The following AKAP10 variants were observed in gnomAD, a reference collection of about 807,000 sequenced individuals.
AKAP10 encodes A-kinase anchoring protein 10, also known as A-kinase anchor protein 10, mitochondrial.
In AKAP10, 24 loss-of-function variants were observed where a neutral mutation model predicts 80.8. That is an observed-to-expected ratio of 0.30 (90% CI 0.22 to 0.42). The LOEUF (loss-of-function observed/expected upper bound fraction) is 0.42. Ranked by LOEUF, AKAP10 falls within the 10% of genes least tolerant of loss-of-function variation. AKAP10 has a pLI of 1.00. For missense variants in AKAP10, 661 were observed against 794.9 expected (o/e 0.83, Z 2.03); for synonymous variants, 291 against 277.7 (o/e 1.05, Z -0.48).
chr17:19,928,992 G>A (rs1214695170), intron 10 of AKAP10, among the ~76,000 whole-genome samples: 1 of 152,148 alleles, frequency 6.6e-6, no homozygotes, highest in Non-Finnish European at 1.5e-5. Context: ...ATAAATCCTT[G>A]CAATGGGATA....
At chr17:19,958,842 CTTTTTTTTT>C (rs772496178) in intron 3 of AKAP10, among the ~76,000 whole-genome samples, 1 of 92,936 alleles carries the variant, frequency 1.1e-5, no homozygotes, top group South Asian at 3.9e-4. Context: ...CATGTAAATT[CTTTTTTTTT>C]TTTTTTTTTT....
intron 5 of AKAP10, among the ~76,000 whole-genome samples, chr17:19,946,230 A>T (rs1361704497): frequency 1.2e-4 from 2 of 17,304 alleles, no homozygotes; most frequent in African/African-American, 2.4e-4. Context: ...TTTTATATAT[A>T]TATATATTAT....
chr17:19,977,059 A>G (rs1421139066), intron 1 of AKAP10, among the ~76,000 whole-genome samples: 1 of 152,212 alleles, frequency 6.6e-6, no homozygotes, highest in Non-Finnish European at 1.5e-5. Context: ...AAAGTCATCA[A>G]AAGTAGTGGT....
In AKAP10 at chr17:19,936,403, A is replaced by G. The variant is rs373091946; in HGVS notation, c.1350T>C (p.Pro450=). 19 of 1,612,848 alleles carry G rather than the reference A, an allele frequency of 1.2e-5. No individual in the cohort carries two copies. The highest frequency in any genetic ancestry group is 1.6e-5 in the Non-Finnish European group (19 of 1,179,066). ...ATCGTACAACATCATCAAATCCAAG[A>G]GGATGTGTGGCTTGGAGGGAGAAGT... ...DKYFSLQATH[P]LGFDDVVRLE... Residue 450 remains proline, a synonymous_variant, in exon 9 of 15, where the codon CCT becomes CCC. Transcript: ENST00000225737.
chr17:19,929,582 A>G (rs1167219325), intron 10 of AKAP10: 1 of 152,128 alleles, frequency 6.6e-6, no homozygotes, highest in Non-Finnish European at 1.5e-5. Context: ...CAAGGTGTCT[A>G]AGGTTATGAT....
chr17:19,947,706 G>A (rs2043150596), intron 4 of AKAP10, among the ~76,000 whole-genome samples: 1 of 152,112 alleles, frequency 6.6e-6, no homozygotes, highest in Non-Finnish European at 1.5e-5. Flanking sequence ...AAATGCATAT[G>A]ATGAAAAAAC....
chr17:19,951,930 G>GAAAAAAAAAAAAAAAAAAAAAAA (rs2043220155), intron 4 of AKAP10, among the ~76,000 whole-genome samples: 1 of 105,470 alleles, frequency 9.5e-6, no homozygotes, highest in Non-Finnish European at 2.1e-5. Flanking sequence ...AAAAAAAAAA[G>GAAAAAAAAAAAAAAAAAAAAAAA]CAAAAAAGGG....
At chr17:19,960,027 A>G (rs2043329473) in intron 3 of AKAP10, among the ~76,000 whole-genome samples, 1 of 152,190 alleles carries the variant, frequency 6.6e-6, no homozygotes, top group South Asian at 2.1e-4. Flanking sequence ...CAGGCGGATC[A>G]CTAGAGCCCA....
Position 19,952,329 on chromosome 17 carries a change from G to C in AKAP10, c.878-4824C>G, listed in dbSNP as rs1451170572. 2.6e-5 allele frequency among the ~76,000 whole-genome samples: 4 copies of C among 151,710 alleles called. No individual in the cohort carries two copies. In the East Asian group the frequency reaches 7.7e-4, roughly 29 times the overall value. On this transcript the variant is annotated intron_variant, in intron 4 of 14. Transcript: ENST00000225737. ...AAATACAAAAAATCAGCCAGGCATGGTGCGCGTGCCTGTAATCCCAGCTAC... is the reference window on the plus strand; with the variant it reads ...AAATACAAAAAATCAGCCAGGCATGCTGCGCGTGCCTGTAATCCCAGCTAC...
chr17:19,946,276 T>TG (rs1491441373), intron 5 of AKAP10, among the ~76,000 whole-genome samples: 1 of 10,816 alleles, frequency 9.2e-5, no homozygotes, highest in African/African-American at 3.0e-4. Context: ...TATATATATA[T>TG]TTTTTTTTTT....
At chr17:19,919,037 AT>A (rs1393746329) in intron 12 of AKAP10, among the ~76,000 whole-genome samples, 1 of 145,948 alleles carries the variant, frequency 6.9e-6, no homozygotes, top group Non-Finnish European at 1.5e-5. Flanking sequence ...TTAACTCGTC[AT>A]TTATATTAGG....
intron 2 of AKAP10, among the ~76,000 whole-genome samples, chr17:19,963,759 G>C (rs887792834): frequency 2.6e-5 from 4 of 152,046 alleles, no homozygotes; most frequent in African/African-American, 7.2e-5. Flanking sequence ...AGCTGGGTGT[G>C]GGGGCAGGTG....
intron 12 of AKAP10, among the ~76,000 whole-genome samples, chr17:19,911,835 CAAAAAAAAAAAA>C (rs71157844): frequency 8.4e-4 from 46 of 55,008 alleles, no homozygotes; most frequent in South Asian, 5.1e-3. Flanking sequence ...AACTCTGTCA[CAAAAAAAAAAAA>C]AAAAAAAAAA....
At chr17:19,920,225 C>A in intron 11 of AKAP10, 107 bp from the exon 12 acceptor site, 1 of 743,904 alleles carries the variant, frequency 1.3e-6, no homozygotes, top group Non-Finnish European at 2.2e-6. Flanking sequence ...GCCAGAAACA[C>A]AATTTATAGC....
At chr17:19,964,723 C>T (rs550097856) in intron 2 of AKAP10, among the ~76,000 whole-genome samples, 1 of 152,214 alleles carries the variant, frequency 6.6e-6, no homozygotes, top group African/African-American at 2.4e-5. Context: ...AACCCCATCT[C>T]TACTAAAAAT....
chr17:19,966,373 C>G (rs546813287), intron 2 of AKAP10, among the ~76,000 whole-genome samples: 1 of 152,270 alleles, frequency 6.6e-6, no homozygotes, highest in African/African-American at 2.4e-5. Context: ...TAATGTTCCT[C>G]TCCCCTACTA....
chr17:19,947,419 T>C lies in AKAP10; in HGVS notation c.964A>G (p.Asn322Asp), dbSNP rs2043146718. ...AAGCACTGCTTACCTATGATGTCAT[T>C]TCTCATTGCTTCTGTAATTGGTATT... Reference protein sequence around the residue: ...KPIPITEAMRNDIIARICGED... With the variant: ...KPIPITEAMRDDIIARICGED... Residue 322 changes from asparagine to aspartate, a missense_variant, in exon 5 of 15, where the codon AAT becomes GAT. Coordinates refer to ENST00000225737, the MANE Select transcript of AKAP10 (RefSeq NM_007202.4). 1 of 1,608,596 alleles carries C rather than the reference T, an allele frequency of 6.2e-7. No homozygotes were observed.
At chr17:19,914,407 T>C (rs2042722435) in intron 12 of AKAP10, among the ~76,000 whole-genome samples, 1 of 151,714 alleles carries the variant, frequency 6.6e-6, no homozygotes, top group South Asian at 2.1e-4. Flanking sequence ...TCCCAATACT[T>C]TGGGAGGCTG....
At chr17:19,914,844 A>C (rs1384534097) in intron 12 of AKAP10, among the ~76,000 whole-genome samples, 1 of 152,062 alleles carries the variant, frequency 6.6e-6, no homozygotes, top group Admixed American at 6.6e-5. Context: ...AAAGTGAAGA[A>C]ACTTCAGCAA....
Sources: allele counts gnomAD v4.1 joint callset (sites outside exome capture counted in the v4.1 genomes callset), GRCh38; gene constraint gnomAD v4.1.1; transcripts MANE v1.5; gene names NCBI Gene and HGNC (gene_info 2026-07-23, HGNC 2026-07-21).